N4BP2: variants seen among roughly 807,000 people sequenced by gnomAD.
N4BP2 encodes NEDD4 binding protein 2.
A neutral mutation model predicts 152.8 loss-of-function variants in N4BP2; 91 were observed. That is an observed-to-expected ratio of 0.60 (90% CI 0.50 to 0.71). The LOEUF is 0.71. Ranked by LOEUF, N4BP2 falls within the 30% of genes least tolerant of loss-of-function variation. The pLI is 0.00. For missense variants in N4BP2, 1,923 were observed against 2,059.1 expected, an observed-to-expected ratio of 0.93 and a Z score of 1.28; for synonymous variants, 646 against 705.3, an observed-to-expected ratio of 0.92 and a Z score of 1.33.
chr4:40,095,902 T>C (rs961212189), intron 2 of N4BP2, among the ~76,000 whole-genome samples: 5 of 152,166 alleles, frequency 3.3e-5, no homozygotes, highest in African/African-American at 1.2e-4. Flanking sequence ...CCTTTTTACA[T>C]CGTATAAAGC....
chr4:40,152,577 A>C (rs762720479), intron 16 of N4BP2, among the ~76,000 whole-genome samples: 2 of 152,222 alleles, frequency 1.3e-5, no homozygotes, highest in Non-Finnish European at 2.9e-5. Flanking sequence ...CAATGAGGCT[A>C]TGTGTTTTAA....
At chr4:40,181,162 A>T in the N4BP2 span, among the ~76,000 whole-genome samples, 3 of 152,158 alleles carry the variant, frequency 2.0e-5, no homozygotes, top group South Asian at 2.1e-4. Flanking sequence ...AAAAGAAAAA[A>T]ATATATATAC....
chr4:40,059,787 A>C (rs2109880535), intron 1 of N4BP2, among the ~76,000 whole-genome samples: 1 of 152,334 alleles, frequency 6.6e-6, no homozygotes, highest in Non-Finnish European at 1.5e-5. Context: ...ACACATGCAC[A>C]CCAGGTGCTG....
chr4:40,154,318 C>T lies in N4BP2; in HGVS notation c.*81C>T, dbSNP rs541376248. 3.6e-6 allele frequency: 3 copies of T among 829,248 alleles called. No homozygotes were observed. The highest frequency in any genetic ancestry group is 3.8e-6 in the Non-Finnish European group (2 of 524,128). The allele number at this position is 829,248 out of a possible 1,614,324, so 51.4% of individuals were successfully genotyped here. A position where few individuals can be genotyped will look rare whatever the true frequency, so the allele number is the denominator to read the frequency against. ...TTGCAGTAATTCAGTCAATTCTACCCTAAAGATGTGTTTTATTATAAATAA... is the reference window on the plus strand; with the variant it reads ...TTGCAGTAATTCAGTCAATTCTACCTTAAAGATGTGTTTTATTATAAATAA... On this transcript the variant is annotated 3_prime_UTR_variant, in exon 18 of 18. Transcript: ENST00000261435.
intron 1 of N4BP2, among the ~76,000 whole-genome samples, chr4:40,062,078 C>CT (rs71194968): frequency 0.84 from 110,936 of 132,334 alleles, 46,533 homozygotes; most frequent in East Asian, 0.96. Flanking sequence ...TTTTTGGTTA[C>CT]TTTTTTTTTT....
At chr4:40,091,602 C>CTTTTTTT (rs35142277) in intron 2 of N4BP2, among the ~76,000 whole-genome samples, 2 of 80,470 alleles carry the variant, frequency 2.5e-5, no homozygotes, top group Non-Finnish European at 4.8e-5. Context: ...GTATACAATC[C>CTTTTTTT]TTTTTTTTTT....
At chr4:40,142,650 A>G (rs775139666) in intron 14 of N4BP2, 23 bp from the exon 15 acceptor site, 19 of 1,537,570 alleles carry the variant, frequency 1.2e-5, no homozygotes, top group Middle Eastern at 1.7e-4. Context: ...TGTGTGTGTT[A>G]CTTATTGTTT....
intron 2 of N4BP2, among the ~76,000 whole-genome samples, chr4:40,077,165 T>A (rs1307052329): frequency 6.6e-6 from 1 of 150,634 alleles, no homozygotes; most frequent in African/African-American, 2.4e-5. Context: ...GTGTGTGTAT[T>A]TTTGTTTTTG....
chr4:40,097,210 A>T lies in N4BP2; in HGVS notation c.-114-17A>T. Reference sequence around the variant, plus strand: ...AATATATATAGTCTGAGTGTTTTTAATTGCTTTCTATTTTAGGTCTTTTTA... The same window carrying T: ...AATATATATAGTCTGAGTGTTTTTATTTGCTTTCTATTTTAGGTCTTTTTA... On this transcript the variant is annotated splice_polypyrimidine_tract_variant and intron_variant, in intron 2 of 17. Coordinates refer to ENST00000261435, the MANE Select transcript of N4BP2 (RefSeq NM_018177.6). 1.4e-6 allele frequency: 1 copy of T among 695,008 alleles called. No homozygotes were observed. The highest frequency in any genetic ancestry group is 2.5e-5 in the East Asian group (1 of 39,442). 43.1% of individuals were successfully genotyped at this position (695,008 alleles called of 1,614,324 possible).
At chr4:40,183,770 T>G in the N4BP2 span, among the ~76,000 whole-genome samples, 1 of 152,198 alleles carries the variant, frequency 6.6e-6, no homozygotes, top group African/African-American at 2.4e-5. Flanking sequence ...TCTCACATAA[T>G]AAAAAGTAAG....
Position 40,102,588 on chromosome 4 carries a change from C to A in N4BP2, c.743C>A (p.Ser248Tyr). The A allele has an allele frequency of 6.2e-7, 1 of 1,614,142 alleles. No individual in the cohort carries two copies. The highest frequency in any genetic ancestry group is 8.5e-7 in the Non-Finnish European group (1 of 1,180,014). ...NYPEDSLLSS[S>Y]LNVASDSIAG... ...CCGGAAGATTCTCTTCTCAGTAGTT[C>A]TTTAAATGTAGCAAGTGACTCCATC... The change falls in exon 4 of 18, where the codon TCT (serine) becomes TAT (tyrosine). Residue 248 changes from serine to tyrosine, a missense_variant. Ser to Tyr is a moderately radical substitution (Grantham distance 144, BLOSUM62 -2). Transcript: ENST00000261435.
At chr4:40,176,598 G>A in the N4BP2 span, among the ~76,000 whole-genome samples, 2 of 152,198 alleles carry the variant, frequency 1.3e-5, no homozygotes, top group African/African-American at 2.4e-5. Flanking sequence ...TCACTCTGTG[G>A]CGACTGGGAG....
chr4:40,169,844 A>C, the N4BP2 span, among the ~76,000 whole-genome samples: 3 of 151,726 alleles, frequency 2.0e-5, no homozygotes, highest in Non-Finnish European at 4.4e-5. Context: ...AGGCGTCTGT[A>C]ATCTGAGCTA....
rs373333208 is a variant in N4BP2, at chr4:40,124,595, C to T, written c.4330+390C>T. ...CTCCTGACCTCAGGTGATCTGCCCA[C>T]CTTGGCCTCCCAAAGTCCTGGGGTT... is the stretch of plus-strand genomic sequence containing the variant. On this transcript the variant is annotated intron_variant, in intron 11 of 17. Coordinates refer to ENST00000261435, the MANE Select transcript of N4BP2 (RefSeq NM_018177.6). Among the ~76,000 whole-genome samples, 29 of 152,266 alleles carry T rather than the reference C, an allele frequency of 1.9e-4. No homozygotes were observed. In the South Asian group the frequency reaches 5.8e-3, roughly 30 times the overall value.
Position 40,106,976 on chromosome 4 carries a change from T to A in N4BP2, c.1450T>A (p.Phe484Ile). 6.2e-7 allele frequency: 1 copy of A among 1,613,300 alleles called. No individual in the cohort carries two copies. The highest frequency in any genetic ancestry group is 1.3e-5 in the African/African-American group (1 of 75,028). The change falls in exon 5 of 18, where the codon TTT becomes ATT. Residue 484 changes from phenylalanine (F) to isoleucine (I), a missense_variant. Coordinates refer to ENST00000261435, the MANE Select transcript of N4BP2 (RefSeq NM_018177.6). ...TTTTTATATAAATGGACAGTACCAG[T>A]TTGATGTAAAGTACTTAGGAGAAGC... ...DYFYINGQYQ[F>I]DVKYLGEAHE...
At chr4:40,087,000 C>G (rs967207137) in intron 2 of N4BP2, among the ~76,000 whole-genome samples, 3 of 152,318 alleles carry the variant, frequency 2.0e-5, no homozygotes, top group African/African-American at 7.2e-5. Flanking sequence ...CCTCCCACCT[C>G]AGCCTCCTAA....
the N4BP2 span, among the ~76,000 whole-genome samples, chr4:40,188,701 C>T: frequency 5.2e-5 from 7 of 135,312 alleles, no homozygotes; most frequent in African/African-American, 1.4e-4. Context: ...GCTGAGATGG[C>T]GCCAGTGCAC....
intron 11 of N4BP2, among the ~76,000 whole-genome samples, chr4:40,124,631 G>C (rs1293965202): frequency 6.6e-6 from 1 of 152,144 alleles, no homozygotes; most frequent in African/African-American, 2.4e-5. Flanking sequence ...ACAGGCATGA[G>C]CCACTGCGCC....
At chr4:40,149,760 G>T (rs866408174) in intron 16 of N4BP2, among the ~76,000 whole-genome samples, 1 of 152,108 alleles carries the variant, frequency 6.6e-6, no homozygotes, top group Middle Eastern at 3.4e-3. Context: ...AGCTGGGCAT[G>T]GTGGCGGGCA....
Sources: allele counts gnomAD v4.1 joint callset (sites outside exome capture counted in the v4.1 genomes callset), GRCh38; gene constraint gnomAD v4.1.1; transcripts MANE v1.5; gene names NCBI Gene and HGNC (gene_info 2026-07-23, HGNC 2026-07-21).